Variants in ATG4A observed in about 807,000 individuals in gnomAD.
ATG4A encodes the protein autophagy related 4A cysteine peptidase.
Under a neutral mutation model 38.4 loss-of-function variants are expected in ATG4A, and 22 were observed. That is an observed-to-expected ratio of 0.57 (90% confidence interval 0.41 to 0.82). ATG4A has a LOEUF of 0.82. Among genes scored for constraint, ATG4A ranks in the 40% least tolerant of loss-of-function variants. The probability of loss-of-function intolerance (pLI) is 0.00; values close to 1 mark genes in which losing one functional copy is unlikely to be tolerated. For missense variants in ATG4A, 220 were observed against 290.0 expected (o/e 0.76, Z 1.75); for synonymous variants, 86 against 100.7 (o/e 0.85, Z 0.88).
upstream of ATG4A, chrX:108,088,988 A>G (rs2031532036): frequency 2.4e-6 from 1 of 410,400 alleles, no homozygotes; most frequent in Non-Finnish European, 4.3e-6. Flanking sequence ...ACCTTAAACT[A>G]TATTACTTAC....
rs967675045 is a variant in ATG4A, at chrX:108,114,516, A to T, written c.11-11561A>T. On this transcript the variant is annotated intron_variant, in intron 1 of 12. Transcript: ENST00000372232. The stretch of plus-strand genomic sequence containing the variant: ...TCTTTCAATAAGATTTGGGGAACAA[A>T]CTTGTTACAAAATAAACTTAGGCAC... 3.6e-5 allele frequency among the ~76,000 whole-genome samples: 4 copies of T among 112,149 alleles called. No individual in the cohort carries two copies. In the East Asian group the frequency reaches 1.1e-3, roughly 31 times the overall value.
intron 1 of ATG4A, among the ~76,000 whole-genome samples, chrX:108,103,033 C>G (rs1228408511): frequency 5.4e-5 from 6 of 110,394 alleles, no homozygotes; most frequent in Non-Finnish European, 1.1e-4. Context: ...GTTGTTCCCC[C>G]TACCCATGTG....
In ATG4A at chrX:108,138,004, T is replaced by C. The variant is rs190538721; in HGVS notation, c.735+13T>C. 874 of 1,200,128 alleles carry C rather than the reference T, an allele frequency of 7.3e-4. No individual in the cohort carries two copies. The highest frequency in any genetic ancestry group is 8.6e-4 in the Non-Finnish European group (767 of 889,508). ...TGATGCATTCAAAGTAAGTCACTTC[T>C]TTCCCTGAGCCCATTGCTGCCTGCC... On this transcript the variant is annotated intron_variant, in intron 8 of 12. Transcript: ENST00000372232.
chrX:108,107,298 T>C (rs551956878), intron 1 of ATG4A, among the ~76,000 whole-genome samples: 47 of 112,440 alleles, frequency 4.2e-4, no homozygotes, highest in African/African-American at 1.5e-3. Flanking sequence ...TCCTTTTTGC[T>C]ATTCAGCCCA....
chrX:108,112,460 C>T lies in ATG4A; in HGVS notation c.11-13617C>T, dbSNP rs958484459. 6.4e-4 allele frequency among the ~76,000 whole-genome samples: 70 copies of T among 108,962 alleles called. 1 individual carries two copies. Among genetic ancestry groups the T allele is most frequent in the African/African-American group, 2.1e-3 (63 of 29,824 alleles). The allele number at this position is 108,962 out of a possible 115,157, so 94.6% of individuals were successfully genotyped here. A position where few individuals can be genotyped will look rare whatever the true frequency, so the allele number is the denominator to read the frequency against. ...TGGCTGGAGTGCAGTGGCGCAATCT[C>T]GGCTCACTGCAAGCTCCGCCTCCCG... On this transcript the variant is annotated intron_variant, in intron 1 of 12. Transcript: ENST00000372232.
At position 108,131,371 on chromosome X, in the gene ATG4A, T is replaced by C; in HGVS notation, c.292+13T>C. ...CACTTGGGAAGGGGTGAGTTAAATT[T>C]GTTTTATAAACTTTCTCAGAGACCT... On this transcript the variant is annotated intron_variant, in intron 4 of 12. Transcript: ENST00000372232. 1 of 1,202,290 alleles carries C rather than the reference T, an allele frequency of 8.3e-7. No homozygotes were observed. Among genetic ancestry groups the C allele is most frequent in the Non-Finnish European group, 1.1e-6 (1 of 887,078 alleles).
chrX:108,149,939 G>A, intron 9 of ATG4A: 1 of 385,709 alleles, frequency 2.6e-6, no homozygotes, highest in African/African-American at 2.5e-5. Context: ...TTGAGGAGAT[G>A]TAAATGCTAG....
chrX:108,099,551 A>G (rs1369569957), intron 1 of ATG4A, among the ~76,000 whole-genome samples: 1 of 111,368 alleles, frequency 9.0e-6, no homozygotes, highest in Non-Finnish European at 1.9e-5. Context: ...TTTTGTTGTT[A>G]CATCTAAGAA....
rs370341232 is a variant in ATG4A at position 108,091,812 on chromosome X, G to A, written c.-15G>A. 113 of 1,210,008 alleles carry A rather than the reference G, an allele frequency of 9.3e-5. No individual in the cohort carries two copies. The highest frequency in any genetic ancestry group is 1.2e-4 in the Non-Finnish European group (106 of 895,229). On this transcript the variant is annotated 5_prime_UTR_variant, in exon 1 of 13. Coordinates refer to ENST00000372232, the MANE Select transcript of ATG4A (RefSeq NM_052936.5). ...CAAGTTGCCGGTGGAATTGGCCCAG[G>A]ATGACAGCTGGAGAATGGAGTCAGG...
chrX:108,144,938 G>A (rs1475672748), intron 9 of ATG4A, among the ~76,000 whole-genome samples: 1 of 112,149 alleles, frequency 8.9e-6, no homozygotes, highest in African/African-American at 3.2e-5. Context: ...CCTTCAATGG[G>A]TCAGAGTAAC....
At chrX:108,137,276 G>A in intron 7 of ATG4A, 106 bp downstream of exon 7, 1 of 702,338 alleles carries the variant, frequency 1.4e-6, no homozygotes, top group Non-Finnish European at 2.1e-6. Context: ...TCCCCACCAG[G>A]GCAGGGGAGC....
chrX:108,136,918 T>C (rs1310671867), intron 6 of ATG4A, among the ~76,000 whole-genome samples, 173 bp from the exon 7 acceptor site: 3 of 111,813 alleles, frequency 2.7e-5, no homozygotes, highest in African/African-American at 6.5e-5. Flanking sequence ...TCTCAAGGTC[T>C]CTAGACATGG....
At chrX:108,094,209 T>G (rs964517990) in intron 1 of ATG4A, among the ~76,000 whole-genome samples, 2 of 112,240 alleles carry the variant, frequency 1.8e-5, no homozygotes, top group Non-Finnish European at 3.8e-5. Flanking sequence ...ATCTCTTACA[T>G]TTAAGTCTAT....
chrX:108,142,765 C>T (rs1266887076), intron 9 of ATG4A, among the ~76,000 whole-genome samples: 1 of 111,030 alleles, frequency 9.0e-6, no homozygotes, highest in East Asian at 2.8e-4. Flanking sequence ...TTAGATTGTG[C>T]CCACCTGATT....
At chrX:108,131,735 T>C (rs2032960740) in intron 4 of ATG4A, among the ~76,000 whole-genome samples, 1 of 111,910 alleles carries the variant, frequency 8.9e-6, no homozygotes, top group Admixed American at 9.4e-5. Flanking sequence ...ATTTAAGATA[T>C]CTGCCTGGTG....
At chrX:108,132,166 T>C (rs2032974450) in intron 4 of ATG4A, among the ~76,000 whole-genome samples, 1 of 111,992 alleles carries the variant, frequency 8.9e-6, no homozygotes, top group Non-Finnish European at 1.9e-5. Context: ...CCCAAAGTGC[T>C]AGGATTACAG....
intron 9 of ATG4A, among the ~76,000 whole-genome samples, chrX:108,141,037 TAC>T (rs769091998): frequency 2.7e-5 from 2 of 72,768 alleles, no homozygotes; most frequent in Admixed American, 1.9e-4. Flanking sequence ...TATACATATA[TAC>T]ATATATATAC....
At chrX:108,113,117 T>C (rs188890839) in intron 1 of ATG4A, among the ~76,000 whole-genome samples, 1,275 of 111,282 alleles carry the variant, frequency 0.011, 13 homozygotes, top group South Asian at 0.033. Flanking sequence ...TCTACAATCA[T>C]GTTCTAGTTT....
At chrX:108,137,715 A>G (rs1265724210) in intron 7 of ATG4A, 89 bp from the exon 8 acceptor site, 14 of 931,034 alleles carry the variant, frequency 1.5e-5, no homozygotes, top group East Asian at 6.4e-5. Flanking sequence ...GGTGGGGGGC[A>G]TGTGAGGTTC....
Sources: gnomAD v4.1 joint callset for allele counts (sites outside exome capture counted in the v4.1 genomes callset) on GRCh38, gnomAD v4.1.1 for gene constraint, MANE v1.5 for transcripts, NCBI Gene and HGNC (gene_info 2026-07-23, HGNC 2026-07-21) for gene names.